The following SLC44A5 variants were observed in gnomAD, a reference collection of about 807,000 sequenced individuals.
SLC44A5 encodes the protein solute carrier family 44 member 5, also known as choline transporter-like protein 5.
SLC44A5 carries 57 observed loss-of-function variants against 101.8 expected under a neutral mutation model. The observed-to-expected ratio is 0.56, with a 90% CI of 0.45 to 0.70. The LOEUF (loss-of-function observed/expected upper bound fraction) is 0.70. Ranked by LOEUF, SLC44A5 falls within the 30% of genes least tolerant of loss-of-function variation. The pLI is 0.00. For synonymous variants in SLC44A5, 281 were observed against 290.9 expected (o/e 0.97, Z 0.35); for missense variants, 737 against 853.1 (o/e 0.86, Z 1.70).
chr1:75,308,858 C>T (rs1213682207), intron 4 of SLC44A5, among the ~76,000 whole-genome samples: 1 of 152,116 alleles, frequency 6.6e-6, no homozygotes, highest in African/African-American at 2.4e-5. Context: ...CTGCATGTCT[C>T]CTAATAATCA....
chr1:75,603,527 T>A (rs921989990), intron 1 of SLC44A5, among the ~76,000 whole-genome samples: 2 of 152,026 alleles, frequency 1.3e-5, no homozygotes, highest in African/African-American at 4.8e-5. Flanking sequence ...CAAGTGGTAG[T>A]TCTGTTTTAA....
At chr1:75,482,162 T>C (rs1040473594) in intron 2 of SLC44A5, among the ~76,000 whole-genome samples, 15 of 150,392 alleles carry the variant, frequency 1.0e-4, no homozygotes, top group Non-Finnish European at 2.1e-4. Flanking sequence ...CAGTAAACTA[T>C]CACAAGGATA....
chr1:75,314,191 A>G (rs1421622909), intron 4 of SLC44A5, among the ~76,000 whole-genome samples: 1 of 152,156 alleles, frequency 6.6e-6, no homozygotes, highest in Admixed American at 6.6e-5. Context: ...TAATACAACA[A>G]CTGTTTGTCA....
the SLC44A5 span, among the ~76,000 whole-genome samples, chr1:75,675,572 TA>T: frequency 6.6e-6 from 1 of 152,136 alleles, no homozygotes; most frequent in Non-Finnish European, 1.5e-5. Flanking sequence ...ATTAAAGACT[TA>T]AATATAAAAT....
At chr1:75,282,027 C>T (rs376141218) in intron 5 of SLC44A5, among the ~76,000 whole-genome samples, 44 of 152,266 alleles carry the variant, frequency 2.9e-4, no homozygotes, top group African/African-American at 9.6e-4. Flanking sequence ...ATGGTAGGTT[C>T]ACCAACAGCT....
chr1:75,376,534 G>A (rs549443375), intron 3 of SLC44A5, among the ~76,000 whole-genome samples: 16 of 152,318 alleles, frequency 1.1e-4, no homozygotes, highest in Admixed American at 3.3e-4. Flanking sequence ...TAAACCCCGA[G>A]CAGCCTAACT....
intron 2 of SLC44A5, among the ~76,000 whole-genome samples, chr1:75,532,631 T>C (rs1170634365): frequency 6.6e-6 from 1 of 152,234 alleles, no homozygotes; most frequent in Non-Finnish European, 1.5e-5. Flanking sequence ...TTCTTTACTA[T>C]CATTTTCCAC....
At chr1:75,666,679 G>A in the SLC44A5 span, among the ~76,000 whole-genome samples, 1 of 152,092 alleles carries the variant, frequency 6.6e-6, no homozygotes, top group African/African-American at 2.4e-5. Context: ...ACATCGATGT[G>A]AAAATCCTCA....
intron 13 of SLC44A5, among the ~76,000 whole-genome samples, chr1:75,223,918 T>G (rs1245007252): frequency 1.3e-5 from 2 of 152,240 alleles, no homozygotes; most frequent in Non-Finnish European, 2.9e-5. Context: ...CTTCTTTGAA[T>G]GAACCTATAA....
At chr1:75,262,471 G>A (rs1394314323) in intron 6 of SLC44A5, among the ~76,000 whole-genome samples, 7 of 152,052 alleles carry the variant, frequency 4.6e-5, no homozygotes, top group Admixed American at 4.6e-4. Context: ...CACTGTTCAA[G>A]GAAGTAAGAG....
At chr1:75,402,498 C>T (rs777688952) in intron 2 of SLC44A5, 1 of 349,492 alleles carries the variant, frequency 2.9e-6, no homozygotes, top group South Asian at 2.2e-5. Flanking sequence ...CTGCTCATCT[C>T]ATAGGGACTG....
chr1:75,549,476 T>C (rs1370249393), intron 1 of SLC44A5, among the ~76,000 whole-genome samples: 2 of 152,174 alleles, frequency 1.3e-5, no homozygotes, highest in Non-Finnish European at 2.9e-5. Flanking sequence ...GATTACTCTA[T>C]CTCATTTTCA....
chr1:75,475,199 A>G lies in SLC44A5; in HGVS notation c.13+66236T>C, dbSNP rs549293937. Among the ~76,000 whole-genome samples the G allele has an allele frequency of 3.0e-3, 451 of 152,346 alleles. 1 individual carries two copies. The highest frequency in any genetic ancestry group is 4.2e-3 in the Non-Finnish European group (289 of 68,036). ...ATTCACAGCTCAGCAAAAGCCTAAT[A>G]AGAAGAGTGGCCTTTATGTCCTCTT... On this transcript the variant is annotated intron_variant, in intron 2 of 23. Coordinates refer to ENST00000370859, the MANE Select transcript of SLC44A5 (RefSeq NM_001130058.2).
At chr1:75,656,520 G>T in the SLC44A5 span, among the ~76,000 whole-genome samples, 2 of 152,168 alleles carry the variant, frequency 1.3e-5, no homozygotes, top group African/African-American at 4.8e-5. Flanking sequence ...GTAGAGGAAT[G>T]AAGTTAAAGT....
chr1:75,646,624 T>C, the SLC44A5 span, among the ~76,000 whole-genome samples: 4 of 152,176 alleles, frequency 2.6e-5, no homozygotes, highest in African/African-American at 9.7e-5. Flanking sequence ...GGGTGGTCCC[T>C]GCATGCTCTT....
chr1:75,436,072 C>A (rs181332400), intron 2 of SLC44A5, among the ~76,000 whole-genome samples: 6 of 152,206 alleles, frequency 3.9e-5, no homozygotes, highest in Non-Finnish European at 8.8e-5. Context: ...TGAGTTTTAA[C>A]AAATTTGTAT....
intron 5 of SLC44A5, among the ~76,000 whole-genome samples, chr1:75,283,029 G>A (rs1034685923): frequency 2.0e-5 from 3 of 152,102 alleles, no homozygotes; most frequent in Admixed American, 6.6e-5. Flanking sequence ...CCCAGTAGAG[G>A]GACTGCTGGA....
chr1:75,347,526 G>C (rs922244050), intron 3 of SLC44A5, among the ~76,000 whole-genome samples: 1 of 152,052 alleles, frequency 6.6e-6, no homozygotes, highest in Admixed American at 6.6e-5. Context: ...TCACCAATGG[G>C]TCAGGCCAGT....
At chr1:75,651,696 CAA>C in the SLC44A5 span, among the ~76,000 whole-genome samples, 164 of 70,148 alleles carry the variant, frequency 2.3e-3, no homozygotes, top group African/African-American at 7.7e-3. Flanking sequence ...GACTCTGTCT[CAA>C]AAAAAAAAAA....
Sources: allele counts gnomAD v4.1 joint callset (sites outside exome capture counted in the v4.1 genomes callset), GRCh38; gene constraint gnomAD v4.1.1; transcripts MANE v1.5; gene names NCBI Gene and HGNC (gene_info 2026-07-23, HGNC 2026-07-21).